P2RY14: variants seen among roughly 807,000 people sequenced by gnomAD.
The protein encoded by P2RY14 is P2Y purinoceptor 14.
A neutral mutation model predicts 0.9 loss-of-function variants in P2RY14; 2 were observed. The observed-to-expected ratio is 2.16, with a 90% CI of 0.88 to 6.79. The LOEUF (loss-of-function observed/expected upper bound fraction) is 6.79. P2RY14 is among the 30% of genes most tolerant of loss of function. The pLI is 0.05. For synonymous variants in P2RY14, 158 were observed against 147.2 expected (o/e 1.07, Z -0.53); for missense variants, 378 against 400.1 (o/e 0.94, Z 0.47).
chr3:151,256,350 A>C (rs1209700877), intron 1 of P2RY14, among the ~76,000 whole-genome samples: 1 of 152,172 alleles, frequency 6.6e-6, no homozygotes, highest in Admixed American at 6.5e-5. Flanking sequence ...AACATGCCTA[A>C]GGTAATAGGA....
intron 1 of P2RY14, among the ~76,000 whole-genome samples, chr3:151,227,933 G>T (rs577035834): frequency 6.6e-6 from 1 of 152,224 alleles, no homozygotes; most frequent in African/African-American, 2.4e-5. Flanking sequence ...GCCATGGTTT[G>T]TGCAACCAGC....
rs536414321 is a variant in P2RY14, at chr3:151,225,570, T to C, written c.-132-5928A>G. 2.0e-5 allele frequency among the ~76,000 whole-genome samples: 3 copies of C among 152,314 alleles called. No homozygotes were observed. In the South Asian group the frequency reaches 6.2e-4, roughly 32 times the overall value. On this transcript the variant is annotated intron_variant, in intron 1 of 2. Coordinates refer to ENST00000309170, the MANE Select transcript of P2RY14 (RefSeq NM_014879.4). ...CTCTTAATGCCGTCACAATGGCAAA[T>C]CAATTTCAAATGAATTTTGAAACGG... is the stretch of plus-strand genomic sequence containing the variant.
chr3:151,214,078 C>T lies in P2RY14; in HGVS notation c.239G>A (p.Gly80Asp). The T allele has an allele frequency of 6.2e-7, 1 of 1,614,106 alleles. No individual in the cohort carries two copies. The highest frequency in any genetic ancestry group is 8.5e-7 in the Non-Finnish European group (1 of 1,180,014). The change falls in exon 3 of 3, where the codon GGT (glycine) becomes GAT (aspartate). Residue 80 changes from glycine to aspartate, a missense_variant. By Grantham distance (94) the Gly-to-Asp change is moderately conservative. Transcript: ENST00000309170. ...MSLTFPFKIL[G>D]DSGLGPWQLN... ...CTGCCAGGGACCAAGGCCTGAGTCACCAAGGATCTTGAAAGGAAAAGTCAG... is the reference window on the plus strand; with the variant it reads ...CTGCCAGGGACCAAGGCCTGAGTCATCAAGGATCTTGAAAGGAAAAGTCAG...
intron 1 of P2RY14, among the ~76,000 whole-genome samples, chr3:151,252,767 A>G (rs1737088407): frequency 6.6e-6 from 1 of 152,130 alleles, no homozygotes; most frequent in Non-Finnish European, 1.5e-5. Context: ...TATGTAATCT[A>G]CTAACTTATC....
At chr3:151,220,907 G>C (rs972809319) in intron 1 of P2RY14, among the ~76,000 whole-genome samples, 3 of 152,220 alleles carry the variant, frequency 2.0e-5, no homozygotes, top group Non-Finnish European at 4.4e-5. Flanking sequence ...GCAGAGATTG[G>C]AACAGTTTGG....
At chr3:151,256,757 A>G (rs1333696941) in intron 1 of P2RY14, among the ~76,000 whole-genome samples, 1 of 151,864 alleles carries the variant, frequency 6.6e-6, no homozygotes, top group African/African-American at 2.4e-5. Context: ...AAACTCATAC[A>G]AGCAGAGCAT....
intron 1 of P2RY14, among the ~76,000 whole-genome samples, chr3:151,276,582 A>G (rs1741895725): frequency 6.6e-6 from 1 of 152,192 alleles, no homozygotes; most frequent in African/African-American, 2.4e-5. Context: ...CTGGGGCCAA[A>G]TGGAATAAAC....
intron 1 of P2RY14, among the ~76,000 whole-genome samples, chr3:151,226,581 G>A (rs995253864): frequency 3.3e-5 from 5 of 152,024 alleles, no homozygotes; most frequent in Admixed American, 6.6e-5. Context: ...TCAACATTTT[G>A]CTGGAGTCGC....
intron 1 of P2RY14, among the ~76,000 whole-genome samples, chr3:151,238,866 T>C (rs1044012774): frequency 2.0e-4 from 30 of 152,358 alleles, no homozygotes; most frequent in African/African-American, 7.0e-4. Context: ...ATAATTGAGT[T>C]ATAAGCTGAA....
At chr3:151,226,132 G>A (rs573989512) in intron 1 of P2RY14, among the ~76,000 whole-genome samples, 1 of 152,326 alleles carries the variant, frequency 6.6e-6, no homozygotes, top group East Asian at 1.9e-4. Context: ...CATCATTGAA[G>A]GAGGAAGCAC....
chr3:151,269,459 G>A, intron 1 of P2RY14: 1 of 241,556 alleles, frequency 4.1e-6, no homozygotes, highest in Admixed American at 5.2e-5. Context: ...GAGACTTAAT[G>A]AACAAGCCAG....
intron 1 of P2RY14, among the ~76,000 whole-genome samples, chr3:151,269,035 G>A (rs1740361377): frequency 6.6e-6 from 1 of 152,158 alleles, no homozygotes; most frequent in Non-Finnish European, 1.5e-5. Context: ...TGAGACCGGA[G>A]GAGACATTGG....
In P2RY14 at chr3:151,255,575, G is replaced by T. The variant is rs576253914; in HGVS notation, c.-133+22712C>A. ...TTCAGACATCTCTAACTGAACACAC[G>T]CGATTTTTCCTGCAGCTTCCCTTCT... On this transcript the variant is annotated intron_variant, in intron 1 of 2. Coordinates refer to ENST00000309170, the MANE Select transcript of P2RY14 (RefSeq NM_014879.4). Among the ~76,000 whole-genome samples the T allele has an allele frequency of 3.3e-5, 5 of 152,092 alleles. No homozygotes were observed. The South Asian group carries it at 6.2e-4, about 19-fold the overall frequency.
rs143231700 is a variant in P2RY14 at position 151,268,750 on chromosome 3, T to C, written c.-133+9537A>G. 2.0e-5 allele frequency among the ~76,000 whole-genome samples: 3 copies of C among 152,296 alleles called. No homozygotes were observed. In the East Asian group the frequency reaches 5.8e-4, roughly 29 times the overall value. ...CAGTGTTTACAAAGCACTTGTTCTC[T>C]GCAGAGAGCTACTAACAGATGAAAT... On this transcript the variant is annotated intron_variant, in intron 1 of 2. Transcript: ENST00000309170.
At chr3:151,229,868 G>A (rs535046062) in intron 1 of P2RY14, among the ~76,000 whole-genome samples, 1 of 152,334 alleles carries the variant, frequency 6.6e-6, no homozygotes, top group African/African-American at 2.4e-5. Context: ...GGTGAAAGAT[G>A]CACTTTTATG....
intron 1 of P2RY14, among the ~76,000 whole-genome samples, chr3:151,266,669 A>C (rs918602304): frequency 6.6e-6 from 1 of 152,186 alleles, no homozygotes; most frequent in African/African-American, 2.4e-5. Context: ...TGATATGAAC[A>C]TATCAGTGGA....
chr3:151,237,904 T>C (rs1347533598), intron 1 of P2RY14, among the ~76,000 whole-genome samples: 1 of 152,220 alleles, frequency 6.6e-6, no homozygotes, highest in Admixed American at 6.5e-5. Context: ...GGGTTGTTTA[T>C]GCTGTTACTG....
At chr3:151,250,830 A>G (rs781595278) in intron 1 of P2RY14, among the ~76,000 whole-genome samples, 2 of 152,170 alleles carry the variant, frequency 1.3e-5, no homozygotes, top group Non-Finnish European at 2.9e-5. Flanking sequence ...TTAATTTTCT[A>G]AAGGAATTGC....
In P2RY14 at chr3:151,247,969, T is replaced by TC. The variant is rs1430200751; in HGVS notation, c.-132-28328_-132-28327insG. ...TTCTTTCTTCTTCTTCTTCTTTTTT[T>TC]TTTTTTTTTTTTTTTTGCCTGAGAA... is the stretch of plus-strand genomic sequence containing the variant. On this transcript the variant is annotated intron_variant, in intron 1 of 2. Transcript: ENST00000309170. Among the ~76,000 whole-genome samples the TC allele has an allele frequency of 2.1e-5, 3 of 142,212 alleles. No homozygotes were observed. The East Asian group carries it at 6.1e-4, about 29-fold the overall frequency. The allele number at this position is 142,212 out of a possible 152,430, so 93.3% of individuals were successfully genotyped here.
Sources: allele counts gnomAD v4.1 joint callset (sites outside exome capture counted in the v4.1 genomes callset), GRCh38; gene constraint gnomAD v4.1.1; transcripts MANE v1.5; gene names NCBI Gene and HGNC (gene_info 2026-07-23, HGNC 2026-07-21).